The following PDE3A variants were observed in gnomAD, a reference collection of about 807,000 sequenced individuals.
PDE3A encodes the protein phosphodiesterase 3A, also known as cGMP-inhibited 3',5'-cyclic phosphodiesterase 3A.
A neutral mutation model predicts 98.3 loss-of-function variants in PDE3A; 43 were observed. The observed-to-expected ratio is 0.44, with a 90% CI of 0.34 to 0.56. The LOEUF (loss-of-function observed/expected upper bound fraction) is 0.56, where lower values mean the gene tolerates loss of function less well. Among genes scored for constraint, PDE3A ranks in the 20% least tolerant of loss-of-function variants. The probability of loss-of-function intolerance (pLI) is 0.01; values close to 1 mark genes in which losing one functional copy is unlikely to be tolerated. For synonymous variants in PDE3A, 663 were observed against 567.9 expected (o/e 1.17, Z -2.38); for missense variants, 1,427 against 1,440.7 (o/e 0.99, Z 0.15).
rs906186075 is a variant in PDE3A, at chr12:20,629,800, A to C, written c.1541-108A>C. On this transcript the variant is annotated intron_variant, in intron 5 of 15. Coordinates refer to ENST00000359062, the MANE Select transcript of PDE3A (RefSeq NM_000921.5). Reference sequence around the variant, plus strand: ...AGGAGGCCAGCCCGGTGACCTGAGCAGGCACGTGGTTGTTACTGAGTTTGT... The same window carrying C: ...AGGAGGCCAGCCCGGTGACCTGAGCCGGCACGTGGTTGTTACTGAGTTTGT... The C allele has an allele frequency of 4.0e-5, 32 of 804,022 alleles. No homozygotes were observed. In the African/African-American group the frequency reaches 4.9e-4, roughly 12 times the overall value. 49.8% of individuals were successfully genotyped at this position (804,022 alleles called of 1,614,324 possible). A position where few individuals can be genotyped will look rare whatever the true frequency, so the allele number is the denominator to read the frequency against.
At chr12:20,445,320 C>A (rs1944936681) in intron 1 of PDE3A, among the ~76,000 whole-genome samples, 3 of 151,792 alleles carry the variant, frequency 2.0e-5, no homozygotes, top group Non-Finnish European at 2.9e-5. Context: ...GAACTACACA[C>A]CTTGAGAAAA....
chr12:20,402,307 C>A (rs2120667267), intron 1 of PDE3A, among the ~76,000 whole-genome samples: 1 of 152,218 alleles, frequency 6.6e-6, no homozygotes. Flanking sequence ...TGCCACCACG[C>A]CCTGCTAATT....
rs5796864 is a variant in PDE3A at position 20,494,872 on chromosome 12, CAAA to C, written c.961-61775_961-61773del. ...GAAAATAATATTTTAAACAATTCCG[CAAA>C]AAAAAAAAAAAATACATAAATAGAA... On this transcript the variant is annotated intron_variant, in intron 1 of 15. Transcript: ENST00000359062. Among the ~76,000 whole-genome samples the C allele has an allele frequency of 1.3e-3, 192 of 143,608 alleles. 1 individual carries two copies. Among genetic ancestry groups the C allele is most frequent in the South Asian group, 9.1e-3 (41 of 4,500 alleles). The allele number at this position is 143,608 out of a possible 152,430, so 94.2% of individuals were successfully genotyped here.
At chr12:20,634,546 C>T (rs774977900) in intron 7 of PDE3A, among the ~76,000 whole-genome samples, 24 of 152,076 alleles carry the variant, frequency 1.6e-4, no homozygotes, top group Non-Finnish European at 2.9e-4. Flanking sequence ...TCCCACCTCA[C>T]GTGCCCGTTC....
At chr12:20,671,584 G>A (rs981164889) in intron 15 of PDE3A, among the ~76,000 whole-genome samples, 17 of 151,060 alleles carry the variant, frequency 1.1e-4, no homozygotes, top group South Asian at 4.2e-4. Context: ...TATAAACAGA[G>A]CCAAAGACAA....
At chr12:20,627,158 A>AC (rs1555102781) in intron 5 of PDE3A, among the ~76,000 whole-genome samples, 22 of 151,568 alleles carry the variant, frequency 1.5e-4, no homozygotes, top group African/African-American at 4.4e-4. Context: ...AAAAAAAAAA[A>AC]AAAAAACTGT....
chr12:20,439,659 T>C (rs1312502692), intron 1 of PDE3A, among the ~76,000 whole-genome samples: 1 of 152,178 alleles, frequency 6.6e-6, no homozygotes, highest in Non-Finnish European at 1.5e-5. Context: ...AAAATGCATA[T>C]TTCTGTCTTT....
At chr12:20,628,426 G>A (rs750690896) in intron 5 of PDE3A, among the ~76,000 whole-genome samples, 1 of 152,150 alleles carries the variant, frequency 6.6e-6, no homozygotes, top group African/African-American at 2.4e-5. Flanking sequence ...CAATGCAAAC[G>A]CTGCCTAATA....
At chr12:20,564,894 C>A (rs987639088) in intron 2 of PDE3A, among the ~76,000 whole-genome samples, 1 of 152,104 alleles carries the variant, frequency 6.6e-6, no homozygotes, top group Non-Finnish European at 1.5e-5. Flanking sequence ...AGCCAAATCA[C>A]AACCTGTGGT....
intron 1 of PDE3A, among the ~76,000 whole-genome samples, chr12:20,538,559 G>A (rs1418921351): frequency 6.6e-6 from 1 of 152,042 alleles, no homozygotes; most frequent in Non-Finnish European, 1.5e-5. Flanking sequence ...TGAGAACCAG[G>A]GTTCTGTGAA....
At chr12:20,398,560 CTG>C (rs1257578148) in intron 1 of PDE3A, among the ~76,000 whole-genome samples, 2 of 151,908 alleles carry the variant, frequency 1.3e-5, no homozygotes, top group Non-Finnish European at 2.9e-5. Context: ...CTTGGTTTCT[CTG>C]TATTCTGTAA....
rs539960069 is a variant in PDE3A at position 20,582,165 on chromosome 12, A to G, written c.1011+25455A>G. Among the ~76,000 whole-genome samples the G allele has an allele frequency of 9.4e-5, 14 of 149,600 alleles. No homozygotes were observed. The East Asian group carries it at 2.4e-3, about 25-fold the overall frequency. On this transcript the variant is annotated intron_variant, in intron 2 of 15. Coordinates refer to ENST00000359062, the MANE Select transcript of PDE3A (RefSeq NM_000921.5). ...CTAAGGAAATATCCTTTTGTGGTTA[A>G]TCACTTTAAAAATGAATATGAAATT...
intron 1 of PDE3A, among the ~76,000 whole-genome samples, chr12:20,503,405 A>T (rs1946057657): frequency 6.6e-6 from 1 of 152,082 alleles, no homozygotes; most frequent in South Asian, 2.1e-4. Context: ...GAAGGATGCA[A>T]ATTCAGCTAC....
Position 20,552,343 on chromosome 12 carries a change from G to C in PDE3A, c.961-4317G>C. 1 of 1,613,912 alleles carries C rather than the reference G, an allele frequency of 6.2e-7. No individual in the cohort carries two copies. Among genetic ancestry groups the C allele is most frequent in the Non-Finnish European group, 8.5e-7 (1 of 1,179,878 alleles). On this transcript the variant is annotated intron_variant, in intron 1 of 15. Coordinates refer to ENST00000359062, the MANE Select transcript of PDE3A (RefSeq NM_000921.5). This position sits in a 1 kb window ranked among gnomAD's most constrained non-coding sequence, Gnocchi z 5.1. ...ATACTGGCCCGAGAAGGGGAAGTCC[G>C]GGTTTCTCGTGTGGCGCTACCTTCT...
At chr12:20,463,768 AC>A (rs1945293973) in intron 1 of PDE3A, among the ~76,000 whole-genome samples, 1 of 152,170 alleles carries the variant, frequency 6.6e-6, no homozygotes, top group Admixed American at 6.5e-5. Context: ...ATGCAGAAAA[AC>A]ATTAAGAAGG....
intron 15 of PDE3A, among the ~76,000 whole-genome samples, chr12:20,672,264 C>T (rs1240858221): frequency 2.7e-5 from 4 of 147,230 alleles, no homozygotes; most frequent in Non-Finnish European, 6.0e-5. Flanking sequence ...TGAAAATGGC[C>T]ATACTGCCCA....
intron 1 of PDE3A, among the ~76,000 whole-genome samples, chr12:20,439,114 T>G (rs1034187779): frequency 5.3e-5 from 8 of 152,090 alleles, no homozygotes; most frequent in African/African-American, 1.9e-4. Flanking sequence ...CATTCTTAAG[T>G]CAGTTTTGAA....
chr12:20,370,551 G>C (rs777440784), intron 1 of PDE3A, among the ~76,000 whole-genome samples: 5 of 151,984 alleles, frequency 3.3e-5, no homozygotes, highest in Non-Finnish European at 7.3e-5. Context: ...TACACCTGGT[G>C]TATGGCTTGC....
chr12:20,587,619 A>G (rs149047597), intron 2 of PDE3A, among the ~76,000 whole-genome samples: 1 of 152,350 alleles, frequency 6.6e-6, no homozygotes, highest in East Asian at 1.9e-4. Flanking sequence ...CTTAATAGGT[A>G]TATCATCTGA....
Sources: gnomAD v4.1 joint callset for allele counts (sites outside exome capture counted in the v4.1 genomes callset) on GRCh38, gnomAD v4.1.1 for gene constraint, Gnocchi (gnomAD v3.1) non-coding constraint, MANE v1.5 for transcripts, NCBI Gene and HGNC (gene_info 2026-07-23, HGNC 2026-07-21) for gene names.